The following GCNT1 variants were observed in gnomAD, a reference collection of about 807,000 sequenced individuals.
GCNT1 encodes glucosaminyl (N-acetyl) transferase 1, also known as beta-1,3-galactosyl-O-glycosyl-glycoprotein beta-1,6-N-acetylglucosaminyltransferase.
A neutral mutation model predicts 26.2 loss-of-function variants in GCNT1; 16 were observed. That is an observed-to-expected ratio of 0.61 (90% confidence interval 0.41 to 0.93). The LOEUF is 0.93. GCNT1 is among the 40% of genes least tolerant of loss of function. The pLI is 0.00. For synonymous variants in GCNT1, 183 were observed against 190.8 expected, an observed-to-expected ratio of 0.96 and a Z score of 0.34; for missense variants, 477 against 526.7, an observed-to-expected ratio of 0.91 and a Z score of 0.92.
chr9:76,423,675 A>G (rs1298039125), intron 1 of GCNT1, among the ~76,000 whole-genome samples: 1 of 152,222 alleles, frequency 6.6e-6, no homozygotes, highest in Non-Finnish European at 1.5e-5. Flanking sequence ...AAAGGAACAG[A>G]TGATGTTACG....
chr9:76,433,264 G>A (rs1048967159), intron 1 of GCNT1, among the ~76,000 whole-genome samples: 11 of 152,194 alleles, frequency 7.2e-5, no homozygotes, highest in African/African-American at 1.2e-4. Context: ...CCCACGTAAC[G>A]GAAAGCAGCA....
At chr9:76,494,289 A>G (rs28831475) in intron 2 of GCNT1, among the ~76,000 whole-genome samples, 23,911 of 152,030 alleles carry the variant, frequency 0.16, 2,120 homozygotes, top group African/African-American at 0.23. Flanking sequence ...GGATTTAGTG[A>G]CCCTTACCAA....
chr9:76,468,986 A>G (rs1055453510), intron 2 of GCNT1, among the ~76,000 whole-genome samples: 1 of 152,232 alleles, frequency 6.6e-6, no homozygotes, highest in Admixed American at 6.5e-5. Flanking sequence ...AAAAGTAACA[A>G]TGAGTTTTTA....
rs1176303426 is a variant in GCNT1 at position 76,504,577 on chromosome 9, G to T, written c.*909G>T. On this transcript the variant is annotated 3_prime_UTR_variant, in exon 4 of 4. Coordinates refer to ENST00000376730, the MANE Select transcript of GCNT1 (RefSeq NM_001490.5). ...AACTAAGACAGGATGATACAGGTTTGAGGGGCTGGGGAGTGGGAGGGGGGA... is the reference window on the plus strand; with the variant it reads ...AACTAAGACAGGATGATACAGGTTTTAGGGGCTGGGGAGTGGGAGGGGGGA... 7.4e-6 allele frequency: 3 copies of T among 406,918 alleles called. No homozygotes were observed. Among genetic ancestry groups the T allele is most frequent in the Non-Finnish European group, 1.3e-5 (3 of 222,612 alleles). The allele number at this position is 406,918 out of a possible 1,614,324, so 25.2% of individuals were successfully genotyped here. A position where few individuals can be genotyped will look rare whatever the true frequency, so the allele number is the denominator to read the frequency against.
the GCNT1 span, chr9:76,394,026 G>C: frequency 6.7e-7 from 1 of 1,482,356 alleles, no homozygotes; most frequent in East Asian, 2.5e-5. Flanking sequence ...CAAGTCCCCG[G>C]CTGCCGTCTC....
At chr9:76,484,803 T>C (rs1244731346) in intron 2 of GCNT1, among the ~76,000 whole-genome samples, 3 of 151,606 alleles carry the variant, frequency 2.0e-5, no homozygotes, top group African/African-American at 4.8e-5. Context: ...TTTTTTTTTT[T>C]TCTGAGATGG....
At chr9:76,495,691 C>T (rs1824890348) in intron 2 of GCNT1, among the ~76,000 whole-genome samples, 1 of 152,112 alleles carries the variant, frequency 6.6e-6, no homozygotes, top group South Asian at 2.1e-4. Context: ...CCAGGAAGGC[C>T]AGCTGGCTTC....
chr9:76,460,901 C>T (rs1325679345), intron 2 of GCNT1, among the ~76,000 whole-genome samples: 1 of 152,206 alleles, frequency 6.6e-6, no homozygotes, highest in Admixed American at 6.5e-5. Context: ...TAGATTCTAT[C>T]CTTCATTAAT....
rs756302676 is a variant in GCNT1 at position 76,503,256 on chromosome 9, G to A, written c.875G>A (p.Ser292Asn). ...TCTGGCAGTGCCTACTTCGTGGTCA[G>A]TAGGGAGTATGTGGGGTATGTACTA... is the stretch of plus-strand genomic sequence containing the variant. ...LFSGSAYFVV[S>N]REYVGYVLQN... The change falls in exon 4 of 4, where the codon AGT becomes AAT. Residue 292 changes from serine to asparagine, a missense_variant. By Grantham distance (46) the Ser-to-Asn change is conservative (BLOSUM62 1). Transcript: ENST00000376730. 5.0e-6 allele frequency: 8 copies of A among 1,614,054 alleles called. No individual in the cohort carries two copies. The Admixed American group carries it at 1.3e-4, about 27-fold the overall frequency.
chr9:76,462,436 G>A (rs1027991128), intron 2 of GCNT1, among the ~76,000 whole-genome samples: 5 of 152,060 alleles, frequency 3.3e-5, no homozygotes, highest in Admixed American at 1.3e-4. Context: ...TGCCATTTTT[G>A]GCCAGTTAAA....
At chr9:76,477,847 TACTCTAG>T (rs1824289346) in intron 2 of GCNT1, among the ~76,000 whole-genome samples, 1 of 152,186 alleles carries the variant, frequency 6.6e-6, no homozygotes, top group African/African-American at 2.4e-5. Flanking sequence ...CGCATTTGAC[TACTCTAG>T]GTACCTCTGT....
At chr9:76,404,966 C>T in the GCNT1 span, among the ~76,000 whole-genome samples, 2 of 152,024 alleles carry the variant, frequency 1.3e-5, no homozygotes, top group Non-Finnish European at 2.9e-5. Flanking sequence ...CAGGCGTGTA[C>T]ACCACCATGC....
upstream of GCNT1, among the ~76,000 whole-genome samples, chr9:76,454,799 C>A (rs570675373): frequency 9.2e-5 from 14 of 151,554 alleles, no homozygotes; most frequent in Non-Finnish European, 1.9e-4. Context: ...TGAGGCCCCC[C>A]CAGCCAGGCA....
At chr9:76,454,340 T>C (rs922189339), upstream of GCNT1, among the ~76,000 whole-genome samples, 2 of 141,880 alleles carry the variant, frequency 1.4e-5, no homozygotes, top group African/African-American at 2.7e-5. Context: ...TGCACCACCA[T>C]TGTACTCCAG....
chr9:76,419,796 A>G (rs962400834), upstream of GCNT1: 2 of 152,248 alleles, frequency 1.3e-5, no homozygotes, highest in Non-Finnish European at 2.9e-5. Flanking sequence ...TCTAAAAATA[A>G]CATTTACTAA....
At chr9:76,394,153 A>G in the GCNT1 span, 1 of 1,608,126 alleles carries the variant, frequency 6.2e-7, no homozygotes, top group Non-Finnish European at 8.5e-7. Flanking sequence ...CCCCGGCAGA[A>G]GTAAGGCAGG....
chr9:76,410,336 G>A, the GCNT1 span, among the ~76,000 whole-genome samples: 1 of 152,142 alleles, frequency 6.6e-6, no homozygotes, highest in Admixed American at 6.5e-5. Flanking sequence ...GGAGGCTGAG[G>A]CAGGAGAATC....
At chr9:76,427,439 C>G (rs1823272664) in intron 1 of GCNT1, among the ~76,000 whole-genome samples, 1 of 152,262 alleles carries the variant, frequency 6.6e-6, no homozygotes, top group East Asian at 1.9e-4. Context: ...CTCAGCCCCC[C>G]AAAGTGCTGG....
rs1032512757 is a variant in GCNT1, at chr9:76,489,201, G to A, written c.-289-11715G>A. ...AGCACATTTTTCAAGACAACTGGGCGGAAGCTGCATGGTTTTACATGACCT... is the reference window on the plus strand; with the variant it reads ...AGCACATTTTTCAAGACAACTGGGCAGAAGCTGCATGGTTTTACATGACCT... On this transcript the variant is annotated intron_variant, in intron 2 of 3. Coordinates refer to ENST00000376730, the MANE Select transcript of GCNT1 (RefSeq NM_001490.5). 3.9e-5 allele frequency among the ~76,000 whole-genome samples: 6 copies of A among 152,164 alleles called. No individual in the cohort carries two copies. The South Asian group carries it at 8.3e-4, about 21-fold the overall frequency.
Sources: allele counts gnomAD v4.1 joint callset (sites outside exome capture counted in the v4.1 genomes callset), GRCh38; gene constraint gnomAD v4.1.1; transcripts MANE v1.5; gene names NCBI Gene and HGNC (gene_info 2026-07-23, HGNC 2026-07-21).